The following PSG2 variants were observed in gnomAD, a reference collection of about 807,000 sequenced individuals.
PSG2 encodes the protein pregnancy specific beta-1-glycoprotein 2.
Under a neutral mutation model 36.2 loss-of-function variants are expected in PSG2, and 49 were observed. The observed-to-expected ratio is 1.35, with a 90% CI of 1.08 to 1.72. PSG2 has a LOEUF of 1.72. PSG2 is among the 40% of genes most tolerant of loss of function. PSG2 has a pLI of 0.00. For synonymous variants in PSG2, 261 were observed against 155.6 expected (o/e 1.68, Z -5.04); for missense variants, 605 against 407.2 (o/e 1.49, Z -4.18).
chr19:43,074,935 G>A (rs930690626), intron 3 of PSG2, among the ~76,000 whole-genome samples: 3 of 151,558 alleles, frequency 2.0e-5, no homozygotes, highest in Non-Finnish European at 4.4e-5. Flanking sequence ...GGAAGAAATG[G>A]TGGGGGCATC....
chr19:43,080,193 C>T (rs988964218), intron 2 of PSG2, among the ~76,000 whole-genome samples: 3 of 151,722 alleles, frequency 2.0e-5, no homozygotes, highest in East Asian at 1.9e-4. Flanking sequence ...CTTCTGGGGA[C>T]ATTAGACTTC....
chr19:43,080,471 A>T (rs1460634089), intron 2 of PSG2, among the ~76,000 whole-genome samples: 1 of 151,658 alleles, frequency 6.6e-6, no homozygotes, highest in Non-Finnish European at 1.5e-5. Context: ...TGGAGCAAGG[A>T]TTTAGGGACA....
chr19:43,080,239 T>C (rs2122918469), intron 2 of PSG2, among the ~76,000 whole-genome samples: 1 of 151,916 alleles, frequency 6.6e-6, no homozygotes, highest in Non-Finnish European at 1.5e-5. Context: ...GGCAGTTGGC[T>C]GATGGTCTTC....
In PSG2 at chr19:43,081,062, T is replaced by C. The variant is rs1180170012; in HGVS notation, c.249A>G (p.Val83=). Residue 83 remains valine, a synonymous_variant, in exon 2 of 6, where the codon GTA becomes GTG. Coordinates refer to ENST00000406487, the MANE Select transcript of PSG2 (RefSeq NM_031246.4). ...CATATATAATTATTTGACCGTCTAC[T>C]ACATATGATGTAATGTAATGGTAGA... ...RDLYHYITSY[V]VDGQIIIYGP... 3 of 1,612,944 alleles carry C rather than the reference T, an allele frequency of 1.9e-6. No homozygotes were observed. Among genetic ancestry groups the C allele is most frequent in the East Asian group, 4.5e-5 (2 of 44,858 alleles).
intron 2 of PSG2, among the ~76,000 whole-genome samples, chr19:43,076,379 T>C (rs1333373502): frequency 1.3e-5 from 2 of 151,738 alleles, no homozygotes; most frequent in Non-Finnish European, 2.9e-5. Context: ...CAATGCTCCC[T>C]TCCCCCTGTA....
chr19:43,080,806 C>A (rs1967960073), intron 2 of PSG2, 75 bp downstream of exon 2: 2 of 1,611,472 alleles, frequency 1.2e-6, no homozygotes, highest in Non-Finnish European at 1.7e-6. Flanking sequence ...ACAGTCTAGG[C>A]CTGACAATCC....
chr19:43,074,336 G>A (rs1332769228), intron 3 of PSG2, among the ~76,000 whole-genome samples: 1 of 151,642 alleles, frequency 6.6e-6, no homozygotes, highest in East Asian at 1.9e-4. Context: ...AAAATGAAAT[G>A]TCTTTCCATA....
chr19:43,069,613 G>C (rs1967788460), intron 4 of PSG2, among the ~76,000 whole-genome samples: 1 of 151,676 alleles, frequency 6.6e-6, no homozygotes, highest in Non-Finnish European at 1.5e-5. Flanking sequence ...GGAAGGGACA[G>C]TGTTCTCACC....
At chr19:43,079,020 T>C (rs1967934794) in intron 2 of PSG2, among the ~76,000 whole-genome samples, 2 of 151,656 alleles carry the variant, frequency 1.3e-5, no homozygotes, top group Middle Eastern at 3.4e-3. Flanking sequence ...ACCTTTCCTA[T>C]TTCCTGGGAG....
intron 3 of PSG2, chr19:43,072,607 G>A (rs1267575141): frequency 6.2e-7 from 1 of 1,611,474 alleles, no homozygotes; most frequent in Admixed American, 1.7e-5. Context: ...TGTTGATGGT[G>A]ATTTAGGGCT....
intron 4 of PSG2, among the ~76,000 whole-genome samples, chr19:43,070,731 G>T (rs1967803528): frequency 6.6e-6 from 1 of 151,622 alleles, no homozygotes; most frequent in Non-Finnish European, 1.5e-5. Context: ...TGGGTACAGA[G>T]GTTTAATATG....
Position 43,071,940 on chromosome 19 carries a change from G to T in PSG2, c.724C>A (p.Pro242Thr), listed in dbSNP as rs757071267. 1 of 1,612,586 alleles carries T rather than the reference G, an allele frequency of 6.2e-7. No homozygotes were observed. Among genetic ancestry groups the T allele is most frequent in the Non-Finnish European group, 8.5e-7 (1 of 1,179,372 alleles). The change falls in exon 4 of 6, where the codon CCC becomes ACC. Residue 242 changes from proline (P) to threonine (T), a missense_variant. Coordinates refer to ENST00000406487, the MANE Select transcript of PSG2 (RefSeq NM_031246.4). ...TLNLLHGPDLPRIHPSYTNYR... is the reference protein window; with the variant it reads ...TLNLLHGPDLTRIHPSYTNYR... The stretch of plus-strand genomic sequence containing the variant: ...TTGGTGTATGAAGGGTGAATTCTGG[G>T]GAGGTCTGGACCATCTGGAGCAAAG...
intron 3 of PSG2, chr19:43,072,562 G>C (rs557003865): frequency 6.2e-7 from 1 of 1,611,208 alleles, no homozygotes; most frequent in East Asian, 2.2e-5. Flanking sequence ...CACAGGTGAA[G>C]GCTAATACAT....
At chr19:43,072,574 C>T in intron 3 of PSG2, 2 of 1,611,350 alleles carry the variant, frequency 1.2e-6, no homozygotes, top group Non-Finnish European at 1.7e-6. Context: ...CTAATACATC[C>T]TTATTCTCCC....
At chr19:43,068,261 G>T (rs1568510811) in intron 4 of PSG2, among the ~76,000 whole-genome samples, 1 of 151,148 alleles carries the variant, frequency 6.6e-6, no homozygotes, top group East Asian at 1.9e-4. Flanking sequence ...CTGGGGAGAC[G>T]CTGTGTGTAC....
chr19:43,073,241 A>T (rs754141544), intron 3 of PSG2, among the ~76,000 whole-genome samples: 1 of 151,912 alleles, frequency 6.6e-6, no homozygotes, highest in East Asian at 1.9e-4. Flanking sequence ...CAGGTGTTTC[A>T]TGATGACTTA....
intron 2 of PSG2, among the ~76,000 whole-genome samples, chr19:43,077,332 A>C (rs1967911539): frequency 6.6e-6 from 1 of 151,762 alleles, no homozygotes; most frequent in Non-Finnish European, 1.5e-5. Context: ...TAAAGGGAGG[A>C]AGGATGCCAA....
At chr19:43,072,183 T>C (rs1967828651) in intron 3 of PSG2, among the ~76,000 whole-genome samples, 1 of 151,650 alleles carries the variant, frequency 6.6e-6, no homozygotes. Context: ...CTTATATTCT[T>C]GGTTAAGGCT....
Position 43,064,460 on chromosome 19 carries a change from A to AT in PSG2, c.*181dup. On this transcript the variant is annotated 3_prime_UTR_variant, in exon 6 of 6. Coordinates refer to ENST00000406487, the MANE Select transcript of PSG2 (RefSeq NM_031246.4). ...ATTATTTAGTCCAATAACATTGAGT[A>AT]TTTTTCTTCTTTGTCTTGAATTTCA... 1 of 433,560 alleles carries AT rather than the reference A, an allele frequency of 2.3e-6. No homozygotes were observed. The highest frequency in any genetic ancestry group is 4.4e-5 in the Admixed American group (1 of 22,914). 26.9% of individuals were successfully genotyped at this position (433,560 alleles called of 1,614,324 possible).
Sources: gnomAD v4.1 joint callset for allele counts (sites outside exome capture counted in the v4.1 genomes callset) on GRCh38, gnomAD v4.1.1 for gene constraint, MANE v1.5 for transcripts, NCBI Gene and HGNC (gene_info 2026-07-23, HGNC 2026-07-21) for gene names.